Variants in FBXW8 observed in about 807,000 individuals in gnomAD.
The protein encoded by FBXW8 is F-box/WD repeat-containing protein 8.
FBXW8 carries 57 observed loss-of-function variants against 65.3 expected under a neutral mutation model. The ratio of observed to expected loss-of-function variants is 0.87; its 90% CI spans 0.71 to 1.09. The LOEUF is 1.09. Ranked by LOEUF, FBXW8 falls within the 50% of genes least tolerant of loss-of-function variation. The probability of loss-of-function intolerance (pLI) is 0.00; values close to 1 mark genes in which losing one functional copy is unlikely to be tolerated. For synonymous variants in FBXW8, 308 were observed against 330.2 expected (o/e 0.93, Z 0.73); for missense variants, 777 against 814.8 (o/e 0.95, Z 0.57).
chr12:116,970,528 G>C (rs530425025), intron 5 of FBXW8, among the ~76,000 whole-genome samples: 2 of 152,320 alleles, frequency 1.3e-5, no homozygotes, highest in East Asian at 3.9e-4. Flanking sequence ...CTTTTTAGCG[G>C]TGAACAGTAG....
intron 2 of FBXW8, among the ~76,000 whole-genome samples, chr12:116,938,112 G>C (rs1882289803): frequency 6.6e-6 from 1 of 151,986 alleles, no homozygotes; most frequent in South Asian, 2.1e-4. Context: ...ACATTTGCTT[G>C]TGAAAGTTTA....
chr12:116,923,647 T>C (rs1201748411), intron 1 of FBXW8, among the ~76,000 whole-genome samples: 1 of 145,438 alleles, frequency 6.9e-6, no homozygotes, highest in African/African-American at 2.6e-5. Context: ...GCTCAGCCTC[T>C]CGAGTAGCTG....
chr12:116,913,484 T>C (rs1275292983), intron 1 of FBXW8, among the ~76,000 whole-genome samples: 4 of 152,232 alleles, frequency 2.6e-5, no homozygotes, highest in African/African-American at 7.2e-5. Flanking sequence ...TGTTATATAC[T>C]GTAGCATTAT....
In FBXW8 at chr12:117,011,406, C is replaced by G. The variant is rs11068288; in HGVS notation, c.1367+956C>G. 8.3e-3 allele frequency among the ~76,000 whole-genome samples: 1,270 copies of G among 152,276 alleles called. 58 individuals are homozygous for G. In the South Asian group the frequency reaches 0.11, roughly 13 times the overall value. On this transcript the variant is annotated intron_variant, in intron 8 of 10. Coordinates refer to ENST00000652555, the MANE Select transcript of FBXW8 (RefSeq NM_153348.3). ...AACCTTCACCCCTAGATACCCACCC[C>G]CAACTTAGAGCAAGGAAATGATGTG...
At chr12:117,016,337 G>A (rs1440527767) in intron 8 of FBXW8, among the ~76,000 whole-genome samples, 1 of 152,126 alleles carries the variant, frequency 6.6e-6, no homozygotes, top group Non-Finnish European at 1.5e-5. Flanking sequence ...CTACAGTCTC[G>A]AATTCTAGAT....
intron 7 of FBXW8, 43 bp downstream of exon 7, chr12:116,988,912 G>A (rs1555223387): frequency 6.5e-7 from 1 of 1,539,628 alleles, no homozygotes; most frequent in Non-Finnish European, 8.9e-7. Context: ...AAAGAATATA[G>A]ATTTATTTTT....
Position 116,985,305 on chromosome 12 carries a change from C to T in FBXW8, c.935C>T (p.Ala312Val). ...IQALALSQDD[A>V]TVATASAFDV... ...GCACTAGCCCTCAGCCAGGACGATGCAACCGTGGCCACAGCTTCTGCTTTT... is the reference window on the plus strand; with the variant it reads ...GCACTAGCCCTCAGCCAGGACGATGTAACCGTGGCCACAGCTTCTGCTTTT... The change falls in exon 6 of 11, where the codon GCA becomes GTA. Residue 312 changes from alanine (A) to valine (V), a missense_variant. Coordinates refer to ENST00000652555, the MANE Select transcript of FBXW8 (RefSeq NM_153348.3). 1 of 1,614,204 alleles carries T rather than the reference C, an allele frequency of 6.2e-7. No homozygotes were observed. The highest frequency in any genetic ancestry group is 8.5e-7 in the Non-Finnish European group (1 of 1,180,044).
At chr12:116,953,652 A>G (rs917391103) in intron 4 of FBXW8, among the ~76,000 whole-genome samples, 1 of 152,018 alleles carries the variant, frequency 6.6e-6, no homozygotes, top group African/African-American at 2.4e-5. Context: ...GAGTGCCTGT[A>G]GTCCCAGCTA....
chr12:116,918,822 A>G (rs1004957725), intron 1 of FBXW8, among the ~76,000 whole-genome samples: 1 of 152,188 alleles, frequency 6.6e-6, no homozygotes, highest in African/African-American at 2.4e-5. Flanking sequence ...AAAAAGAGCA[A>G]TAACTGATAT....
At chr12:116,989,697 A>G (rs1374839320) in intron 7 of FBXW8, among the ~76,000 whole-genome samples, 1 of 152,114 alleles carries the variant, frequency 6.6e-6, no homozygotes, top group Admixed American at 6.5e-5. Flanking sequence ...GGAGAGAGAG[A>G]AAGTTTTTGT....
At chr12:117,010,184 A>T (rs1953769377) in intron 7 of FBXW8, 139 bp from the exon 8 acceptor site, 2 of 1,294,110 alleles carry the variant, frequency 1.5e-6, no homozygotes, top group Admixed American at 4.1e-5. Context: ...CCTGAAAAAG[A>T]TCAGGAAATT....
intron 1 of FBXW8, among the ~76,000 whole-genome samples, chr12:116,914,299 C>T (rs2137280970): frequency 6.6e-6 from 1 of 151,912 alleles, no homozygotes; most frequent in African/African-American, 2.4e-5. Context: ...AACTTTGTGG[C>T]TGGGCAAGGT....
At chr12:116,987,181 C>T (rs1051145717) in intron 6 of FBXW8, 1 of 152,236 alleles carries the variant, frequency 6.6e-6, no homozygotes, top group African/African-American at 2.4e-5. Context: ...GAGCTGGGCC[C>T]GAGTATTAGC....
At chr12:117,011,344 A>AAAATAGTTATTCTG (rs1212685383) in intron 8 of FBXW8, among the ~76,000 whole-genome samples, 1 of 152,172 alleles carries the variant, frequency 6.6e-6, no homozygotes, top group Non-Finnish European at 1.5e-5. Flanking sequence ...GCAGCTTGCA[A>AAAATAGTTATTCTG]AAATAGTTAT....
intron 1 of FBXW8, among the ~76,000 whole-genome samples, chr12:116,926,998 G>A (rs1881378036): frequency 6.6e-6 from 1 of 152,026 alleles, no homozygotes; most frequent in Non-Finnish European, 1.5e-5. Flanking sequence ...GTATTTGAGT[G>A]GTGAATTAAC....
intron 8 of FBXW8, 86 bp from the exon 9 acceptor site, chr12:117,024,061 G>A: frequency 7.0e-7 from 1 of 1,431,616 alleles, no homozygotes; most frequent in African/African-American, 1.4e-5. Flanking sequence ...GTTGTGCATA[G>A]ACCAGCACCG....
At chr12:116,973,159 CATG>C (rs1342624256) in intron 5 of FBXW8, among the ~76,000 whole-genome samples, 1 of 152,036 alleles carries the variant, frequency 6.6e-6, no homozygotes, top group African/African-American at 2.4e-5. Context: ...ATGAGTATAT[CATG>C]ATAAAAATAA....
At chr12:116,962,887 G>A (rs1244629843) in intron 4 of FBXW8, among the ~76,000 whole-genome samples, 1 of 152,196 alleles carries the variant, frequency 6.6e-6, no homozygotes, top group African/African-American at 2.4e-5. Flanking sequence ...AGGGCAGTGA[G>A]CTCCAGGGTA....
intron 8 of FBXW8, among the ~76,000 whole-genome samples, chr12:117,022,109 G>A (rs1954113471): frequency 6.6e-6 from 1 of 152,166 alleles, no homozygotes; most frequent in African/African-American, 2.4e-5. Flanking sequence ...GAGGCAGCTG[G>A]TCCTTAACAG....
Sources: allele counts gnomAD v4.1 joint callset (sites outside exome capture counted in the v4.1 genomes callset), GRCh38; gene constraint gnomAD v4.1.1; transcripts MANE v1.5; gene names NCBI Gene and HGNC (gene_info 2026-07-23, HGNC 2026-07-21).